ZNG1C: variants seen among roughly 807,000 people sequenced by gnomAD.
ZNG1C encodes Zn regulated GTPase metalloprotein activator 1C, also known as zinc-regulated GTPase metalloprotein activator 1C.
chr9:68,266,714 T>C, the ZNG1C span, among the ~76,000 whole-genome samples: 8 of 12,790 alleles, frequency 6.3e-4, no homozygotes, highest in African/African-American at 1.7e-3. Flanking sequence ...TCTTGTTCTG[T>C]TTTTTTTTTT....
At chr9:68,287,702 T>C in the ZNG1C span, among the ~76,000 whole-genome samples, 1 of 151,154 alleles carries the variant, frequency 6.6e-6, no homozygotes, top group Non-Finnish European at 1.5e-5. Context: ...CATATCTATA[T>C]TTTTGTAGCC....
chr9:68,275,210 C>T, the ZNG1C span, among the ~76,000 whole-genome samples: 1 of 96,516 alleles, frequency 1.0e-5, no homozygotes, highest in Non-Finnish European at 2.5e-5. Context: ...ATGTCTAATA[C>T]TCTTTCTATG....
At chr9:68,266,711 C>T in the ZNG1C span, among the ~76,000 whole-genome samples, 1 of 120,886 alleles carries the variant, frequency 8.3e-6, no homozygotes, top group Non-Finnish European at 1.7e-5. Flanking sequence ...CTTTCTTGTT[C>T]TGTTTTTTTT....
At chr9:68,272,290 C>T in the ZNG1C span, 1 of 128,418 alleles carries the variant, frequency 7.8e-6, no homozygotes, top group African/African-American at 2.9e-5. Context: ...TTGAAAGCCT[C>T]TCTTTTAAGA....
At chr9:68,281,032 C>G in the ZNG1C span, among the ~76,000 whole-genome samples, 1 of 125,596 alleles carries the variant, frequency 8.0e-6, no homozygotes, top group African/African-American at 3.1e-5. Context: ...GGGACACAAT[C>G]TCCTGGTGCG....
the ZNG1C span, among the ~76,000 whole-genome samples, chr9:68,275,450 T>C: frequency 6.7e-6 from 1 of 149,354 alleles, no homozygotes; most frequent in African/African-American, 2.5e-5. Flanking sequence ...GCATTAGTTA[T>C]ATCTCCCAAT....
chr9:68,268,421 T>A, the ZNG1C span, among the ~76,000 whole-genome samples: 5 of 151,912 alleles, frequency 3.3e-5, no homozygotes, highest in Non-Finnish European at 5.9e-5. Flanking sequence ...ACGAGGTTAT[T>A]CTATAAAGGA....
the ZNG1C span, among the ~76,000 whole-genome samples, chr9:68,277,942 CTT>C: frequency 1.7e-5 from 1 of 60,542 alleles, no homozygotes; most frequent in East Asian, 3.4e-4. Flanking sequence ...GTCCTGGACT[CTT>C]TTTGGTTGGT....
chr9:68,289,386 A>T, the ZNG1C span, among the ~76,000 whole-genome samples: 1 of 150,282 alleles, frequency 6.7e-6, no homozygotes, highest in Non-Finnish European at 1.5e-5. Context: ...AGAAGGGGTG[A>T]TGGGAAACAA....
chr9:68,281,177 G>C, the ZNG1C span, among the ~76,000 whole-genome samples: 8 of 151,888 alleles, frequency 5.3e-5, no homozygotes. Context: ...GTGAGACAAT[G>C]CCTCGCCCTG....
chr9:68,274,337 C>T, the ZNG1C span: 2 of 153,016 alleles, frequency 1.3e-5, no homozygotes, highest in African/African-American at 2.4e-5. Flanking sequence ...AATGTCTATT[C>T]GGATGGTGGG....
chr9:68,285,565 C>T, the ZNG1C span: 2 of 157,412 alleles, frequency 1.3e-5, no homozygotes, highest in African/African-American at 5.2e-5. Flanking sequence ...AAAATTTATC[C>T]TTTCAACTTT....
At chr9:68,299,169 C>T in the ZNG1C span, 1 of 1,372,716 alleles carries the variant, frequency 7.3e-7, no homozygotes. Context: ...GCCACTTAAA[C>T]AGATTAACCA....
At chr9:68,276,228 C>T in the ZNG1C span, among the ~76,000 whole-genome samples, 7 of 115,684 alleles carry the variant, frequency 6.1e-5, no homozygotes, top group African/African-American at 2.3e-4. Flanking sequence ...GAGTAGGTTG[C>T]GAAAATTTTC....
the ZNG1C span, among the ~76,000 whole-genome samples, chr9:68,267,257 C>G: frequency 1.3e-5 from 2 of 152,276 alleles, no homozygotes; most frequent in South Asian, 2.1e-4. Context: ...AGGTAAGGCT[C>G]ATTAGGAGAT....
chr9:68,297,045 AT>A, the ZNG1C span, among the ~76,000 whole-genome samples: 7 of 148,946 alleles, frequency 4.7e-5, no homozygotes, highest in East Asian at 3.9e-4. Context: ...TTTCTTTTGT[AT>A]TTTTTTTTTA....
the ZNG1C span, among the ~76,000 whole-genome samples, chr9:68,256,641 G>A: frequency 1.6e-5 from 2 of 127,732 alleles, no homozygotes; most frequent in East Asian, 4.2e-4. Context: ...AATTATTATG[G>A]CATCGGTAGA....
chr9:68,267,131 A>G, the ZNG1C span, among the ~76,000 whole-genome samples: 12 of 152,374 alleles, frequency 7.9e-5, no homozygotes, highest in South Asian at 8.3e-4. Flanking sequence ...AATGTGTACA[A>G]TGCTTTGAGC....
chr9:68,290,296 T>G, the ZNG1C span, among the ~76,000 whole-genome samples: 1 of 132,696 alleles, frequency 7.5e-6, no homozygotes, highest in East Asian at 2.0e-4. Context: ...AGGCTGGGTG[T>G]GGTGGCTTAT....
Sources: gnomAD v4.1 joint callset for allele counts (sites outside exome capture counted in the v4.1 genomes callset) on GRCh38, gnomAD v4.1.1 for gene constraint, MANE v1.5 for transcripts, NCBI Gene and HGNC (gene_info 2026-07-23, HGNC 2026-07-21) for gene names.